Variants in FBXO21 observed in about 807,000 individuals in gnomAD.
FBXO21 encodes F-box protein 21.
FBXO21 carries 32 observed loss-of-function variants against 76.6 expected under a neutral mutation model. The ratio of observed to expected loss-of-function variants is 0.42; its 90% CI spans 0.32 to 0.56. The LOEUF (loss-of-function observed/expected upper bound fraction) is 0.56. Ranked by LOEUF, FBXO21 falls within the 20% of genes least tolerant of loss-of-function variation. FBXO21 has a pLI of 0.16. For synonymous variants in FBXO21, 328 were observed against 311.5 expected, an observed-to-expected ratio of 1.05 and a Z score of -0.56; for missense variants, 586 against 797.3, an observed-to-expected ratio of 0.73 and a Z score of 3.19.
At chr12:117,148,315 T>G (rs1405426797) in intron 11 of FBXO21, among the ~76,000 whole-genome samples, 1 of 152,226 alleles carries the variant, frequency 6.6e-6, no homozygotes, top group African/African-American at 2.4e-5. Context: ...GATAAATGTA[T>G]GGAGGCTGTT....
At chr12:117,189,424 C>G in intron 1 of FBXO21, 62 bp from the exon 2 acceptor site, 1 of 1,598,038 alleles carries the variant, frequency 6.3e-7, no homozygotes, top group South Asian at 1.1e-5. Flanking sequence ...GCCACGAATC[C>G]AAGGCAGCCT....
At chr12:117,171,920 C>T (rs1956121887) in intron 7 of FBXO21, among the ~76,000 whole-genome samples, 1 of 152,192 alleles carries the variant, frequency 6.6e-6, no homozygotes. Context: ...AAACAGAACT[C>T]AGTAACCAGG....
At position 117,155,973 on chromosome 12, in the gene FBXO21, A is replaced by G. The variant is rs772480753; in HGVS notation, c.1518-25T>C. 17 of 1,610,804 alleles carry G rather than the reference A, an allele frequency of 1.1e-5. No individual in the cohort carries two copies. In the Middle Eastern group the frequency reaches 4.9e-4, roughly 47 times the overall value. On this transcript the variant is annotated intron_variant, in intron 10 of 11. Transcript: ENST00000622495. ...CCTAGTTAACACAGGAGGAGCAGTC[A>G]GTCCCTGCAGACCCGGCCGCAACAA...
intron 2 of FBXO21, chr12:117,188,779 A>C (rs1014370533): frequency 1.2e-5 from 2 of 165,348 alleles, no homozygotes; most frequent in African/African-American, 4.8e-5. Flanking sequence ...AATGCAGTTC[A>C]CTACTGGGTA....
At chr12:117,174,510 C>G in intron 5 of FBXO21, 141 bp downstream of exon 5, 1 of 1,216,354 alleles carries the variant, frequency 8.2e-7, no homozygotes, top group South Asian at 1.4e-5. Context: ...AGGTTCAACA[C>G]TTCAACCAGG....
intron 3 of FBXO21, among the ~76,000 whole-genome samples, chr12:117,179,633 C>T (rs558437240): frequency 6.6e-6 from 1 of 152,312 alleles, no homozygotes; most frequent in Admixed American, 6.5e-5. Context: ...ATTAATTTAG[C>T]AAGATAATTT....
chr12:117,160,165 A>C (rs925985767), intron 9 of FBXO21, among the ~76,000 whole-genome samples: 1 of 152,190 alleles, frequency 6.6e-6, no homozygotes, highest in East Asian at 1.9e-4. Flanking sequence ...TGGGGGCTAC[A>C]CAGTCCCTGA....
chr12:117,180,095 C>T (rs1956213418), intron 3 of FBXO21, among the ~76,000 whole-genome samples: 1 of 152,222 alleles, frequency 6.6e-6, no homozygotes, highest in Admixed American at 6.5e-5. Flanking sequence ...CTCAATACTT[C>T]CGACATAAAG....
intron 9 of FBXO21, among the ~76,000 whole-genome samples, chr12:117,163,246 T>A (rs1327811601): frequency 6.6e-6 from 1 of 152,334 alleles, no homozygotes; most frequent in East Asian, 1.9e-4. Flanking sequence ...TTAAAGAAAC[T>A]TGCAGGCCGG....
At chr12:117,157,539 A>G (rs1361549149) in intron 10 of FBXO21, among the ~76,000 whole-genome samples, 1 of 152,208 alleles carries the variant, frequency 6.6e-6, no homozygotes, top group Non-Finnish European at 1.5e-5. Context: ...AGATATAAGA[A>G]CAATGAGGAA....
At chr12:117,166,730 T>C (rs968181315) in intron 8 of FBXO21, among the ~76,000 whole-genome samples, 168 bp downstream of exon 8, 1 of 152,204 alleles carries the variant, frequency 6.6e-6, no homozygotes, top group Non-Finnish European at 1.5e-5. Flanking sequence ...TCTTTCCTAG[T>C]CTAAGATATT....
chr12:117,155,563 G>T (rs1198769036), intron 11 of FBXO21: 8 of 593,540 alleles, frequency 1.3e-5, no homozygotes, highest in Non-Finnish European at 2.4e-5. Flanking sequence ...CTGTGGGAGC[G>T]GAGGCCCTGG....
intron 7 of FBXO21, among the ~76,000 whole-genome samples, chr12:117,169,281 A>G (rs768697001): frequency 6.6e-6 from 1 of 152,188 alleles, no homozygotes; most frequent in Non-Finnish European, 1.5e-5. Flanking sequence ...ATGAGAACAC[A>G]TGGACCCAGA....
At chr12:117,177,990 C>T (rs190333015) in intron 3 of FBXO21, among the ~76,000 whole-genome samples, 318 of 152,256 alleles carry the variant, frequency 2.1e-3, no homozygotes, top group Middle Eastern at 0.01. Flanking sequence ...CCACTTGGGC[C>T]TGGGCACTCA....
In FBXO21 at chr12:117,142,859, C is replaced by G. The variant is rs538149338; in HGVS notation, c.*3228G>C. The stretch of plus-strand genomic sequence containing the variant: ...GCAGAAAGCCTGCGACACGGCAGCT[C>G]TGCTCAGTTTTCTCCGTGGGGAAAG... On this transcript the variant is annotated 3_prime_UTR_variant, in exon 12 of 12. Transcript: ENST00000622495. The G allele has an allele frequency of 3.9e-5, 6 of 152,282 alleles. No homozygotes were observed. In the East Asian group the frequency reaches 1.2e-3, roughly 29 times the overall value. 9.4% of individuals were successfully genotyped at this position (152,282 alleles called of 1,614,324 possible).
chr12:117,182,101 A>G (rs1317640723), intron 3 of FBXO21, among the ~76,000 whole-genome samples: 2 of 152,250 alleles, frequency 1.3e-5, no homozygotes, highest in Non-Finnish European at 2.9e-5. Flanking sequence ...CATGCTTTCC[A>G]TATCCAAACC....
In FBXO21 at chr12:117,146,361, C is replaced by G. The variant is rs1035409219; in HGVS notation, c.1676-84G>C. On this transcript the variant is annotated intron_variant, in intron 11 of 11. Transcript: ENST00000622495. ...TCATCCAGAGAACCTCCCATCACCC[C>G]TTCCAGGTGGCATTTTTGGGGTGGA... is the stretch of plus-strand genomic sequence containing the variant. 9.8e-6 allele frequency: 12 copies of G among 1,227,640 alleles called. No individual in the cohort carries two copies. The East Asian group carries it at 2.9e-4, about 29-fold the overall frequency. The allele number at this position is 1,227,640 out of a possible 1,614,324, so 76.0% of individuals were successfully genotyped here.
chr12:117,186,440 T>C lies in FBXO21; in HGVS notation c.470+37A>G, dbSNP rs376217557. On this transcript the variant is annotated intron_variant, in intron 3 of 11. Coordinates refer to ENST00000622495, the MANE Select transcript of FBXO21 (RefSeq NM_015002.3). ...ATTACAGCAATTTACTCTGGACTTA[T>C]TAAAGCAAACAAATCCCTGCTAAAG... 1.3e-4 allele frequency: 182 copies of C among 1,394,706 alleles called. No homozygotes were observed. The highest frequency in any genetic ancestry group is 1.6e-4 in the Non-Finnish European group (162 of 983,024). 86.4% of individuals were successfully genotyped at this position (1,394,706 alleles called of 1,614,324 possible). A position where few individuals can be genotyped will look rare whatever the true frequency, so the allele number is the denominator to read the frequency against.
At chr12:117,175,635 C>G (rs10850790) in intron 4 of FBXO21, among the ~76,000 whole-genome samples, 57,602 of 152,146 alleles carry the variant, frequency 0.38, 12,126 homozygotes, top group Admixed American at 0.55. Context: ...ACTGTCTCCT[C>G]GGCCTCCGAG....
Sources: gnomAD v4.1 joint callset for allele counts (sites outside exome capture counted in the v4.1 genomes callset) on GRCh38, gnomAD v4.1.1 for gene constraint, MANE v1.5 for transcripts, NCBI Gene and HGNC (gene_info 2026-07-23, HGNC 2026-07-21) for gene names.